The following MLLT3 variants were observed in gnomAD, a reference collection of about 807,000 sequenced individuals.
The protein encoded by MLLT3 is protein AF-9.
Under a neutral mutation model 53.2 loss-of-function variants are expected in MLLT3, and 4 were observed. The observed-to-expected ratio is 0.08, with a 90% CI of 0.04 to 0.17. The LOEUF is 0.17. MLLT3 is among the 10% of genes least tolerant of loss of function. The probability of loss-of-function intolerance (pLI) is 1.00; values close to 1 mark genes in which losing one functional copy is unlikely to be tolerated. For missense variants in MLLT3, 569 were observed against 684.0 expected, an observed-to-expected ratio of 0.83 and a Z score of 1.87; for synonymous variants, 283 against 230.6, an observed-to-expected ratio of 1.23 and a Z score of -2.06.
chr9:20,582,323 C>T (rs1819814253), intron 2 of MLLT3, among the ~76,000 whole-genome samples: 1 of 152,138 alleles, frequency 6.6e-6, no homozygotes, highest in African/African-American at 2.4e-5. Context: ...CGTCATGTAA[C>T]CACTCATAAC....
chr9:20,531,303 T>C (rs990185846), intron 2 of MLLT3, among the ~76,000 whole-genome samples: 1 of 151,946 alleles, frequency 6.6e-6, no homozygotes. Context: ...GCCCAAGTAA[T>C]TTTTGTGTTT....
intron 2 of MLLT3, among the ~76,000 whole-genome samples, chr9:20,564,825 C>G (rs569517515): frequency 2.6e-5 from 4 of 152,090 alleles, no homozygotes; most frequent in Admixed American, 2.0e-4. Flanking sequence ...AAGGTCAAAT[C>G]TGAACCAATG....
intron 2 of MLLT3, among the ~76,000 whole-genome samples, chr9:20,531,757 G>C (rs553032269): frequency 6.6e-6 from 1 of 152,186 alleles, no homozygotes; most frequent in East Asian, 1.9e-4. Flanking sequence ...ATACAAGACA[G>C]TAATTTTTTT....
At chr9:20,437,113 T>C (rs539883456) in intron 4 of MLLT3, among the ~76,000 whole-genome samples, 16 of 152,110 alleles carry the variant, frequency 1.1e-4, no homozygotes, top group African/African-American at 2.7e-4. Context: ...GCTGTATCCA[T>C]TGCATTAAAA....
chr9:20,466,859 G>T (rs1416743862), intron 2 of MLLT3, among the ~76,000 whole-genome samples: 1 of 152,196 alleles, frequency 6.6e-6, no homozygotes, highest in Non-Finnish European at 1.5e-5. Context: ...ACAAACCAGG[G>T]AGAAGCAGAG....
rs749239229 is a variant in MLLT3 at position 20,414,345 on chromosome 9, ACTGCTGCTGCTGCTGCTG to A, written c.483_500del (p.Ser185_Ser190del). On this transcript the variant is annotated inframe_deletion, in exon 5 of 11. Coordinates refer to ENST00000380338, the MANE Select transcript of MLLT3 (RefSeq NM_004529.4). ...TGCTGCTGCTGCTGCTGCTGCTGCT[ACTGCTGCTGCTGCTGCTG>A]CTGCTGCTGCTGCTACTGCTGCTGC... The A allele has an allele frequency of 8.7e-6, 13 of 1,493,292 alleles. No individual in the cohort carries two copies. In the East Asian group the frequency reaches 1.4e-4, roughly 16 times the overall value. 92.5% of individuals were successfully genotyped at this position (1,493,292 alleles called of 1,614,324 possible).
At chr9:20,617,390 G>C (rs999761681) in intron 2 of MLLT3, among the ~76,000 whole-genome samples, 2 of 152,044 alleles carry the variant, frequency 1.3e-5, no homozygotes, top group Non-Finnish European at 2.9e-5. Context: ...AAGGACTAAG[G>C]CTACAAATAA....
At chr9:20,592,317 A>C (rs952796254) in intron 2 of MLLT3, among the ~76,000 whole-genome samples, 3 of 152,194 alleles carry the variant, frequency 2.0e-5, no homozygotes, top group African/African-American at 7.2e-5. Context: ...AAACAACCCA[A>C]ATGGGGTGGC....
chr9:20,398,884 G>A (rs1033123041), intron 5 of MLLT3, among the ~76,000 whole-genome samples: 6 of 151,884 alleles, frequency 4.0e-5, no homozygotes, highest in Admixed American at 6.6e-5. Context: ...TACCCTTCAC[G>A]GTGAAATCAG....
At chr9:20,525,652 A>G (rs1818181736) in intron 2 of MLLT3, among the ~76,000 whole-genome samples, 1 of 152,078 alleles carries the variant, frequency 6.6e-6, no homozygotes, top group Admixed American at 6.6e-5. Flanking sequence ...ATTCCTGTCA[A>G]CTCTCAAATG....
intron 4 of MLLT3, among the ~76,000 whole-genome samples, chr9:20,436,232 T>C (rs570081137): frequency 3.0e-4 from 45 of 152,296 alleles, no homozygotes; most frequent in African/African-American, 1.1e-3. Context: ...GCTGTTCAAC[T>C]GAGTAAAAGA....
chr9:20,599,037 G>A (rs1820346397), intron 2 of MLLT3, among the ~76,000 whole-genome samples: 1 of 152,182 alleles, frequency 6.6e-6, no homozygotes, highest in African/African-American at 2.4e-5. Flanking sequence ...CAGGCGCGGT[G>A]GCTCACGCCT....
chr9:20,423,721 G>A (rs867412832), intron 4 of MLLT3, among the ~76,000 whole-genome samples: 16 of 151,832 alleles, frequency 1.1e-4, no homozygotes, highest in Admixed American at 5.2e-4. Context: ...GGCTAAGGCG[G>A]GTGGATATTG....
At chr9:20,604,327 T>C (rs1171109032) in intron 2 of MLLT3, among the ~76,000 whole-genome samples, 1 of 152,144 alleles carries the variant, frequency 6.6e-6, no homozygotes, top group African/African-American at 2.4e-5. Flanking sequence ...AGCCTAAAAA[T>C]GACATTTAAA....
Position 20,420,665 on chromosome 9 carries a change from G to A in MLLT3, c.421-6240C>T, listed in dbSNP as rs185378812. On this transcript the variant is annotated intron_variant, in intron 4 of 10. Coordinates refer to ENST00000380338, the MANE Select transcript of MLLT3 (RefSeq NM_004529.4). The stretch of plus-strand genomic sequence containing the variant: ...TATAATTGACCAAAACAACCCACAC[G>A]CTCATTTAATAATTATACGTAGAAT... Among the ~76,000 whole-genome samples the A allele has an allele frequency of 2.1e-3, 323 of 151,964 alleles. 1 individual carries two copies. Among genetic ancestry groups the A allele is most frequent in the Admixed American group, 3.7e-3 (57 of 15,262 alleles).
intron 10 of MLLT3, among the ~76,000 whole-genome samples, chr9:20,348,795 T>C (rs1820940126): frequency 2.0e-5 from 3 of 152,188 alleles, no homozygotes; most frequent in Non-Finnish European, 2.9e-5. Flanking sequence ...TAGTTATTAG[T>C]AACAGAACTT....
intron 2 of MLLT3, among the ~76,000 whole-genome samples, chr9:20,584,512 G>A (rs925037565): frequency 2.6e-5 from 4 of 152,182 alleles, no homozygotes; most frequent in African/African-American, 7.2e-5. Flanking sequence ...GAAAAAAGAG[G>A]TTTAATTGGA....
intron 3 of MLLT3, among the ~76,000 whole-genome samples, chr9:20,455,931 T>TC (rs2118860189): frequency 6.9e-6 from 1 of 144,020 alleles, no homozygotes; most frequent in Non-Finnish European, 1.5e-5. Flanking sequence ...TAAAAACTTT[T>TC]TTTTTTTTTT....
At chr9:20,382,606 C>T (rs1821933410) in intron 5 of MLLT3, 1 of 151,930 alleles carries the variant, frequency 6.6e-6, no homozygotes, top group Non-Finnish European at 1.5e-5. Context: ...ACAGGCTAAT[C>T]AGAGGCAAAC....
Sources: gnomAD v4.1 joint callset for allele counts (sites outside exome capture counted in the v4.1 genomes callset) on GRCh38, gnomAD v4.1.1 for gene constraint, MANE v1.5 for transcripts, NCBI Gene and HGNC (gene_info 2026-07-23, HGNC 2026-07-21) for gene names.